Variants in SF3B6 observed in about 807,000 individuals in gnomAD.
SF3B6 encodes the protein splicing factor 3b subunit 6.
A neutral mutation model predicts 15.9 loss-of-function variants in SF3B6; 3 were observed. That is an observed-to-expected ratio of 0.19 (90% CI 0.09 to 0.49). The LOEUF is 0.49. Among genes scored for constraint, SF3B6 ranks in the 20% least tolerant of loss-of-function variants. SF3B6 has a pLI of 0.97. For synonymous variants in SF3B6, 49 were observed against 51.1 expected (o/e 0.96, Z 0.18); for missense variants, 71 against 154.3 (o/e 0.46, Z 2.86).
At position 24,076,302 on chromosome 2, in the gene SF3B6, A is replaced by G; in HGVS notation, c.-73T>C. On this transcript the variant is annotated 5_prime_UTR_variant, in exon 1 of 4. Coordinates refer to ENST00000233468, the MANE Select transcript of SF3B6 (RefSeq NM_016047.4). Reference sequence around the variant, plus strand: ...GAGCTCGCTCGGCTTCGGGGGTTACACCGCGTTAGATGCAGGACATCAACA... The same window carrying G: ...GAGCTCGCTCGGCTTCGGGGGTTACGCCGCGTTAGATGCAGGACATCAACA... 2 of 1,572,720 alleles carry G rather than the reference A, an allele frequency of 1.3e-6. No homozygotes were observed. The highest frequency in any genetic ancestry group is 2.2e-5 in the East Asian group (1 of 44,632).
chr2:24,072,001 G>C (rs1186100238), intron 2 of SF3B6, among the ~76,000 whole-genome samples: 1 of 151,962 alleles, frequency 6.6e-6, no homozygotes, highest in African/African-American at 2.4e-5. Context: ...TTCTTTTGTT[G>C]AAACAGGATC....
In SF3B6 at chr2:24,076,263, C is replaced by G. The variant is rs758131827; in HGVS notation, c.-34G>C. On this transcript the variant is annotated 5_prime_UTR_variant, in exon 1 of 4. Coordinates refer to ENST00000233468, the MANE Select transcript of SF3B6 (RefSeq NM_016047.4). Reference sequence around the variant, plus strand: ...GCTGATGAAGTTACCGTAGCAGATACTGAAATTCCTCCGGAGCTCGCTCGG... The same window carrying G: ...GCTGATGAAGTTACCGTAGCAGATAGTGAAATTCCTCCGGAGCTCGCTCGG... 3 of 1,614,054 alleles carry G rather than the reference C, an allele frequency of 1.9e-6. No homozygotes were observed. In the African/African-American group the frequency reaches 4.0e-5, roughly 22 times the overall value.
chr2:24,068,686 T>C (rs1203104924), intron 2 of SF3B6, among the ~76,000 whole-genome samples: 1 of 152,242 alleles, frequency 6.6e-6, no homozygotes, highest in African/African-American at 2.4e-5. Flanking sequence ...TTGTTCTTCG[T>C]TTTTATCTTA....
intron 2 of SF3B6, among the ~76,000 whole-genome samples, chr2:24,072,051 C>T (rs543914373): frequency 2.0e-5 from 3 of 152,226 alleles, no homozygotes; most frequent in Admixed American, 2.0e-4. Context: ...GGCATGATCT[C>T]GGCTCACTCA....
At chr2:24,069,805 G>A (rs895267423) in intron 2 of SF3B6, among the ~76,000 whole-genome samples, 2 of 152,148 alleles carry the variant, frequency 1.3e-5, no homozygotes, top group African/African-American at 4.8e-5. Flanking sequence ...GGCCTGACGA[G>A]GGGTTTTAGA....
intron 1 of SF3B6, 32 bp from the exon 2 acceptor site, chr2:24,074,226 T>C: frequency 1.7e-6 from 2 of 1,162,342 alleles, no homozygotes; most frequent in Non-Finnish European, 2.5e-6. Flanking sequence ...GTTATTATAA[T>C]TAGGGGCATT....
At chr2:24,070,750 G>A (rs1246997539) in intron 2 of SF3B6, among the ~76,000 whole-genome samples, 1 of 152,148 alleles carries the variant, frequency 6.6e-6, no homozygotes, top group Admixed American at 6.5e-5. Context: ...CTAGTGCCAG[G>A]TGCCAGGTAT....
At chr2:24,072,865 C>T (rs889994219) in intron 2 of SF3B6, among the ~76,000 whole-genome samples, 2 of 152,232 alleles carry the variant, frequency 1.3e-5, no homozygotes, top group East Asian at 3.8e-4. Flanking sequence ...GCCATGTTGG[C>T]CAGGCAGGTC....
At chr2:24,074,333 T>G in intron 1 of SF3B6, 139 bp from the exon 2 acceptor site, 1 of 565,282 alleles carries the variant, frequency 1.8e-6, no homozygotes, top group Non-Finnish European at 3.1e-6. Context: ...AGAGGTATAA[T>G]TTGATGTTTC....
At chr2:24,073,376 A>C (rs1000316940) in intron 2 of SF3B6, among the ~76,000 whole-genome samples, 27 of 152,316 alleles carry the variant, frequency 1.8e-4, no homozygotes, top group African/African-American at 6.5e-4. Context: ...TTCAATTTAG[A>C]GTCAGAAGAT....
At position 24,075,354 on chromosome 2, in the gene SF3B6, T is replaced by TG. The variant is rs1196541753; in HGVS notation, c.30+845_30+846insC. 8.7e-3 allele frequency among the ~76,000 whole-genome samples: 892 copies of TG among 102,174 alleles called. 7 individuals are homozygous for TG. Among genetic ancestry groups the TG allele is most frequent in the African/African-American group, 0.027 (785 of 29,156 alleles). The allele number at this position is 102,174 out of a possible 152,430, so 67.0% of individuals were successfully genotyped here. ...TGTCTTTTCTTTCTTTCTTTCTTTC[T>TG]TTCTGTTTTTTTTTTTTTTTTTGAG... is the stretch of plus-strand genomic sequence containing the variant. On this transcript the variant is annotated intron_variant, in intron 1 of 3. Coordinates refer to ENST00000233468, the MANE Select transcript of SF3B6 (RefSeq NM_016047.4).
intron 2 of SF3B6, among the ~76,000 whole-genome samples, chr2:24,070,022 C>T (rs73922031): frequency 1.4e-3 from 209 of 152,244 alleles, no homozygotes; most frequent in African/African-American, 4.9e-3. Context: ...ACACTTTGTT[C>T]AGGAAGCTCA....
chr2:24,073,855 A>G (rs1327922862), intron 2 of SF3B6: 6 of 412,948 alleles, frequency 1.5e-5, no homozygotes, highest in Admixed American at 4.4e-5. Flanking sequence ...AGGAAACTCA[A>G]ATCCTCTTCT....
At chr2:24,074,854 T>C (rs1301218218) in intron 1 of SF3B6, among the ~76,000 whole-genome samples, 1 of 151,998 alleles carries the variant, frequency 6.6e-6, no homozygotes, top group African/African-American at 2.4e-5. Context: ...TCTGGCCGGG[T>C]GCGGTGGCTC....
At chr2:24,071,664 G>C (rs1243367322) in intron 2 of SF3B6, among the ~76,000 whole-genome samples, 1 of 152,196 alleles carries the variant, frequency 6.6e-6, no homozygotes, top group Non-Finnish European at 1.5e-5. Context: ...GAAACAGGGA[G>C]CTACTTCAGC....
chr2:24,074,059 G>T lies in SF3B6; in HGVS notation c.149+17C>A. The T allele has an allele frequency of 1.5e-6, 2 of 1,364,592 alleles. No homozygotes were observed. The highest frequency in any genetic ancestry group is 2.4e-5 in the South Asian group (2 of 83,452). The allele number at this position is 1,364,592 out of a possible 1,614,324, so 84.5% of individuals were successfully genotyped here. A position where few individuals can be genotyped will look rare whatever the true frequency, so the allele number is the denominator to read the frequency against. ...GATTATGCTATCATTTTCTTTAAAT[G>T]ACTCAGTAAGACTCACACTCTGATT... On this transcript the variant is annotated intron_variant, in intron 2 of 3. Coordinates refer to ENST00000233468, the MANE Select transcript of SF3B6 (RefSeq NM_016047.4).
intron 3 of SF3B6, among the ~76,000 whole-genome samples, chr2:24,068,064 C>G (rs1573705983): frequency 6.6e-6 from 1 of 152,284 alleles, no homozygotes; most frequent in South Asian, 2.1e-4. Flanking sequence ...CTGGGGTTCA[C>G]GCCATTCTCC....
chr2:24,072,356 CAACACA>C (rs1664670936), intron 2 of SF3B6, among the ~76,000 whole-genome samples: 1 of 152,046 alleles, frequency 6.6e-6, no homozygotes, highest in African/African-American at 2.4e-5. Flanking sequence ...CAAGTGCTAT[CAACACA>C]AAAACAAAAA....
At chr2:24,069,410 G>A (rs1233593221) in intron 2 of SF3B6, among the ~76,000 whole-genome samples, 1 of 152,142 alleles carries the variant, frequency 6.6e-6, no homozygotes, top group African/African-American at 2.4e-5. Flanking sequence ...GAAGTTTGAG[G>A]AGCAACGCAA....
Sources: gnomAD v4.1 joint callset for allele counts (sites outside exome capture counted in the v4.1 genomes callset) on GRCh38, gnomAD v4.1.1 for gene constraint, MANE v1.5 for transcripts, NCBI Gene and HGNC (gene_info 2026-07-23, HGNC 2026-07-21) for gene names.